The following CNBD1 variants were observed in gnomAD, a reference collection of about 807,000 sequenced individuals.
CNBD1 encodes the protein cyclic nucleotide binding domain containing 1, also known as cyclic nucleotide-binding domain-containing protein 1.
In CNBD1, 71 loss-of-function variants were observed where a neutral mutation model predicts 54.4. The ratio of observed to expected loss-of-function variants is 1.30; its 90% CI spans 1.08 to 1.59. CNBD1 has a LOEUF of 1.59. Among genes scored for constraint, CNBD1 ranks in the 40% most tolerant of loss-of-function variants. CNBD1 has a pLI of 0.00. For synonymous variants in CNBD1, 182 were observed against 170.7 expected, an observed-to-expected ratio of 1.07 and a Z score of -0.51; for missense variants, 659 against 518.0, an observed-to-expected ratio of 1.27 and a Z score of -2.64.
intron 10 of CNBD1, among the ~76,000 whole-genome samples, chr8:87,355,948 T>C (rs940656129): frequency 3.3e-5 from 5 of 152,060 alleles, no homozygotes; most frequent in Non-Finnish European, 5.9e-5. Flanking sequence ...ACTCTATTAG[T>C]TCATGAAAGA....
chr8:86,997,088 A>G (rs915531578), intron 4 of CNBD1, among the ~76,000 whole-genome samples: 4 of 152,206 alleles, frequency 2.6e-5, no homozygotes, highest in African/African-American at 9.6e-5. Context: ...GGGGATCACA[A>G]ACATTCAGAC....
chr8:87,083,842 C>A (rs575508996), intron 4 of CNBD1, among the ~76,000 whole-genome samples: 11 of 152,206 alleles, frequency 7.2e-5, no homozygotes, highest in African/African-American at 2.6e-4. Flanking sequence ...CCTGCCTCGG[C>A]CTCCCAAAGT....
chr8:87,044,078 A>G (rs543663364), intron 4 of CNBD1, among the ~76,000 whole-genome samples: 1 of 152,324 alleles, frequency 6.6e-6, no homozygotes, highest in South Asian at 2.1e-4. Flanking sequence ...GGCTTTAGAA[A>G]GGACTTTAGT....
chr8:87,230,147 T>G (rs2130819583), intron 5 of CNBD1, among the ~76,000 whole-genome samples: 1 of 152,044 alleles, frequency 6.6e-6, no homozygotes, highest in Non-Finnish European at 1.5e-5. Context: ...CCACATAGTT[T>G]TAAACAATGG....
chr8:87,143,354 A>G (rs904528852), intron 4 of CNBD1, among the ~76,000 whole-genome samples: 4 of 152,118 alleles, frequency 2.6e-5, no homozygotes, highest in Non-Finnish European at 5.9e-5. Flanking sequence ...TCAAGCCGGC[A>G]GATTGTCTGC....
At chr8:86,907,180 G>A (rs529350415) in intron 3 of CNBD1, among the ~76,000 whole-genome samples, 4 of 152,228 alleles carry the variant, frequency 2.6e-5, no homozygotes, top group African/African-American at 7.2e-5. Flanking sequence ...TACTGTTCAG[G>A]TGAGAATGGA....
At chr8:87,397,073 A>G (rs775750583) in intron 2 of CNBD1, among the ~76,000 whole-genome samples, 11 of 151,494 alleles carry the variant, frequency 7.3e-5, no homozygotes, top group Non-Finnish European at 1.5e-4. Context: ...ATCTATCTCT[A>G]GACTCTTGAT....
intron 8 of CNBD1, among the ~76,000 whole-genome samples, chr8:87,321,146 A>G (rs564688420): frequency 1.7e-5 from 1 of 59,696 alleles, no homozygotes; most frequent in East Asian, 2.9e-4. Context: ...ACAACAGGAC[A>G]TAGTAGTTTT....
chr8:87,168,908 T>C (rs1813027339), intron 4 of CNBD1, among the ~76,000 whole-genome samples: 1 of 152,136 alleles, frequency 6.6e-6, no homozygotes, highest in South Asian at 2.1e-4. Context: ...CAGATATCTC[T>C]TCAATATACT....
chr8:87,060,042 G>T (rs1810510153), intron 4 of CNBD1, among the ~76,000 whole-genome samples: 1 of 152,214 alleles, frequency 6.6e-6, no homozygotes, highest in Non-Finnish European at 1.5e-5. Flanking sequence ...CTCCTCCCAA[G>T]AATAGTTCCT....
chr8:87,332,027 T>A (rs1285669978), intron 8 of CNBD1, among the ~76,000 whole-genome samples: 1 of 152,138 alleles, frequency 6.6e-6, no homozygotes, highest in Non-Finnish European at 1.5e-5. Context: ...TTCACTCTGA[T>A]GATAGATTCT....
chr8:87,365,032 G>A (rs1027577357), intron 10 of CNBD1, among the ~76,000 whole-genome samples: 4 of 152,030 alleles, frequency 2.6e-5, no homozygotes, highest in African/African-American at 9.7e-5. Flanking sequence ...TGGATCAAAT[G>A]GTAGTTCTTG....
At chr8:87,201,408 A>G (rs1440875422) in intron 4 of CNBD1, among the ~76,000 whole-genome samples, 1 of 152,218 alleles carries the variant, frequency 6.6e-6, no homozygotes, top group African/African-American at 2.4e-5. Flanking sequence ...AAGAAGTAAA[A>G]GTCATCAGAA....
At chr8:87,144,191 T>C (rs1812434610) in intron 4 of CNBD1, among the ~76,000 whole-genome samples, 1 of 152,192 alleles carries the variant, frequency 6.6e-6, no homozygotes, top group African/African-American at 2.4e-5. Context: ...AAAAGTGTTC[T>C]CCGGTTGATA....
intron 8 of CNBD1, among the ~76,000 whole-genome samples, chr8:87,342,042 G>A (rs571573661): frequency 2.0e-5 from 3 of 152,292 alleles, no homozygotes; most frequent in African/African-American, 7.2e-5. Flanking sequence ...GGGAGGCCGA[G>A]GCGGGCAGAT....
At position 87,126,997 on chromosome 8, in the gene CNBD1, G is replaced by C. The variant is rs1052140560; in HGVS notation, c.432-78996G>C. ...GTTGTGAAGACAGGGTAATAGATGAGTGAAACAAATAGTGACGCAAACTCA... is the reference window on the plus strand; with the variant it reads ...GTTGTGAAGACAGGGTAATAGATGACTGAAACAAATAGTGACGCAAACTCA... On this transcript the variant is annotated intron_variant, in intron 4 of 10. Coordinates refer to ENST00000518476, the MANE Select transcript of CNBD1 (RefSeq NM_173538.3). Among the ~76,000 whole-genome samples the C allele has an allele frequency of 2.0e-4, 30 of 151,690 alleles. 1 individual carries two copies. Among genetic ancestry groups the C allele is most frequent in the Admixed American group, 1.8e-3 (27 of 15,242 alleles).
chr8:87,183,326 TG>T (rs1483574169), intron 4 of CNBD1, among the ~76,000 whole-genome samples: 14 of 151,970 alleles, frequency 9.2e-5, no homozygotes, highest in African/African-American at 3.4e-4. Context: ...AATCAGGTAG[TG>T]TGATACCTTC....
intron 4 of CNBD1, among the ~76,000 whole-genome samples, chr8:87,067,236 A>G (rs1281899244): frequency 6.6e-6 from 1 of 151,956 alleles, no homozygotes; most frequent in Non-Finnish European, 1.5e-5. Context: ...CAATTTGACC[A>G]TATTTTTTTC....
chr8:87,338,383 A>G (rs750663790), intron 8 of CNBD1, among the ~76,000 whole-genome samples: 7 of 152,094 alleles, frequency 4.6e-5, no homozygotes, highest in Non-Finnish European at 1.0e-4. Flanking sequence ...AAATTCTCTC[A>G]TTTGTTGATA....
Sources: allele counts gnomAD v4.1 joint callset (sites outside exome capture counted in the v4.1 genomes callset), GRCh38; gene constraint gnomAD v4.1.1; transcripts MANE v1.5; gene names NCBI Gene and HGNC (gene_info 2026-07-23, HGNC 2026-07-21).